The following TRMT2B variants were observed in gnomAD, a reference collection of about 807,000 sequenced individuals.
The protein encoded by TRMT2B is tRNA (uracil-5-)-methyltransferase homolog B.
In TRMT2B, 34 loss-of-function variants were observed where a neutral mutation model predicts 39.7. The observed-to-expected ratio is 0.86, with a 90% CI of 0.65 to 1.14. TRMT2B has a LOEUF of 1.14. TRMT2B is among the 50% of genes most tolerant of loss of function. The pLI, the probability that TRMT2B is intolerant of heterozygous loss-of-function variation, is 0.00. For synonymous variants in TRMT2B, 132 were observed against 137.3 expected, an observed-to-expected ratio of 0.96 and a Z score of 0.27; for missense variants, 318 against 377.2, an observed-to-expected ratio of 0.84 and a Z score of 1.30.
downstream of TRMT2B, among the ~76,000 whole-genome samples, chrX:101,008,822 A>G (rs2086149446): frequency 9.0e-6 from 1 of 111,037 alleles, no homozygotes; most frequent in African/African-American, 3.3e-5. Flanking sequence ...GTACCAGACA[A>G]CTAGGGAGCA....
At chrX:101,019,878 C>T (rs189927441) in intron 11 of TRMT2B, among the ~76,000 whole-genome samples, 2 of 110,378 alleles carry the variant, frequency 1.8e-5, no homozygotes, top group East Asian at 5.8e-4. Context: ...GATCCACCCA[C>T]CTCAGCCTCC....
At position 101,021,287 on chromosome X, in the gene TRMT2B, A is replaced by AT; in HGVS notation, c.879_880insA (p.Ser294IlefsTer14). On this transcript the variant is annotated frameshift_variant, in exon 10 of 14. Coordinates refer to ENST00000372936, the MANE Select transcript of TRMT2B (RefSeq NM_024917.6). LOFTEE classifies it high-confidence loss of function. ...TCCCCAAACAGAAGCTGATAGGGAG[A>AT]CTGCTGATGGCTGCAACGGGTCATG... 1 of 1,210,742 alleles carries AT rather than the reference A, an allele frequency of 8.3e-7. No homozygotes were observed. Among genetic ancestry groups the AT allele is most frequent in the South Asian group, 1.8e-5 (1 of 56,837 alleles).
At chrX:101,043,219 T>C (rs2088355163) in intron 2 of TRMT2B, among the ~76,000 whole-genome samples, 1 of 109,940 alleles carries the variant, frequency 9.1e-6, no homozygotes, top group African/African-American at 3.3e-5. Flanking sequence ...TCAGCCGAGA[T>C]TGCGCCATTG....
chrX:101,045,943 C>T (rs2088632578), intron 2 of TRMT2B, among the ~76,000 whole-genome samples: 3 of 108,898 alleles, frequency 2.8e-5, no homozygotes, highest in Admixed American at 2.0e-4. Context: ...GTCAGCAGTT[C>T]GAGACCAGGC....
the TRMT2B span, chrX:100,987,536 A>G: frequency 2.5e-6 from 3 of 1,211,206 alleles, no homozygotes; most frequent in Non-Finnish European, 3.4e-6. Context: ...CAGGCTCTGG[A>G]GAAAGATGCT....
chrX:101,026,157 T>A (rs1011950846), intron 7 of TRMT2B, among the ~76,000 whole-genome samples: 2 of 110,893 alleles, frequency 1.8e-5, no homozygotes, highest in African/African-American at 6.6e-5. Flanking sequence ...TAGAAAGAAA[T>A]GCTTTTTGGA....
chrX:100,986,730 G>T, the TRMT2B span: 3 of 696,542 alleles, frequency 4.3e-6, no homozygotes, highest in Middle Eastern at 3.1e-4. Context: ...TTCTTTTCTC[G>T]CCTTTTGCTT....
At chrX:100,973,816 C>A in the TRMT2B span, 2 of 1,026,807 alleles carry the variant, frequency 1.9e-6, no homozygotes, top group Non-Finnish European at 2.7e-6. Context: ...CATAGTCCCT[C>A]AAGGGACAAA....
At chrX:101,032,619 A>T (rs1019249208) in intron 7 of TRMT2B, among the ~76,000 whole-genome samples, 37 of 105,909 alleles carry the variant, frequency 3.5e-4, no homozygotes, top group African/African-American at 5.1e-4. Context: ...AATAAAATAT[A>T]AAAAAAATTA....
chrX:101,011,799 C>T (rs899202145), intron 13 of TRMT2B, among the ~76,000 whole-genome samples: 1 of 111,198 alleles, frequency 9.0e-6, no homozygotes, highest in Non-Finnish European at 1.9e-5. Context: ...GAGGCTGAGG[C>T]GGGAGGATGT....
rs2089081894 is a variant in TRMT2B, at chrX:101,051,359, AT to A, written c.-133del. On this transcript the variant is annotated 5_prime_UTR_variant, in exon 2 of 14. Transcript: ENST00000372936. ...TTCAGCTGGACCGGCTCCAGACACTATTCCTTGCTAAACCAAACAAGCAAAT... is the reference window on the plus strand; with the variant it reads ...TTCAGCTGGACCGGCTCCAGACACTATCCTTGCTAAACCAAACAAGCAAAT... 2 of 752,013 alleles carry A rather than the reference AT, an allele frequency of 2.7e-6. No homozygotes were observed. Among genetic ancestry groups the A allele is most frequent in the Non-Finnish European group, 3.1e-6 (2 of 638,981 alleles). 62.0% of individuals were successfully genotyped at this position (752,013 alleles called of 1,213,427 possible).
At chrX:101,014,457 C>T (rs932472459) in intron 13 of TRMT2B, among the ~76,000 whole-genome samples, 5 of 110,628 alleles carry the variant, frequency 4.5e-5, no homozygotes, top group Admixed American at 9.7e-5. Flanking sequence ...CCCAACTCAC[C>T]CTCCTGAGTA....
chrX:101,032,504 T>C (rs2087541866), intron 7 of TRMT2B, among the ~76,000 whole-genome samples: 1 of 107,517 alleles, frequency 9.3e-6, no homozygotes, highest in African/African-American at 3.4e-5. Flanking sequence ...GGAGAATTGC[T>C]TGAACCCGGG....
intron 4 of TRMT2B, 22 bp downstream of exon 4, chrX:101,041,295 A>G: frequency 1.7e-6 from 2 of 1,204,078 alleles, no homozygotes; most frequent in Middle Eastern, 4.6e-4. Flanking sequence ...AGGAGGGGTA[A>G]AGACTTAGGC....
At chrX:101,018,817 G>A (rs1016996369) in intron 13 of TRMT2B, among the ~76,000 whole-genome samples, 154 bp downstream of exon 13, 3 of 111,913 alleles carry the variant, frequency 2.7e-5, no homozygotes, top group African/African-American at 9.7e-5. Context: ...ACCCAGCCCT[G>A]TAATTGAGTC....
chrX:101,014,462 T>G (rs2086418722), intron 13 of TRMT2B, among the ~76,000 whole-genome samples: 1 of 110,769 alleles, frequency 9.0e-6, no homozygotes. Flanking sequence ...CTCACCCTCC[T>G]GAGTAGCTGG....
chrX:101,012,553 A>G (rs2086308631), intron 13 of TRMT2B, among the ~76,000 whole-genome samples: 1 of 99,744 alleles, frequency 1.0e-5, no homozygotes, highest in African/African-American at 3.8e-5. Flanking sequence ...GTTCCCACCT[A>G]TGAGTGAGAA....
intron 7 of TRMT2B, among the ~76,000 whole-genome samples, chrX:101,031,514 T>A (rs770384245): frequency 8.1e-5 from 9 of 111,050 alleles, no homozygotes; most frequent in Non-Finnish European, 1.5e-4. Flanking sequence ...TCGAGACCAG[T>A]CTGGCCAACA....
chrX:100,984,996 G>A, the TRMT2B span, among the ~76,000 whole-genome samples: 2 of 112,489 alleles, frequency 1.8e-5, no homozygotes, highest in Admixed American at 9.5e-5. Flanking sequence ...TTACAACACT[G>A]TAATATGTGC....
Sources: gnomAD v4.1 joint callset for allele counts (sites outside exome capture counted in the v4.1 genomes callset) on GRCh38, gnomAD v4.1.1 for gene constraint, MANE v1.5 for transcripts, NCBI Gene and HGNC (gene_info 2026-07-23, HGNC 2026-07-21) for gene names.